Variants in EML5 observed in about 807,000 individuals in gnomAD.
EML5 encodes echinoderm microtubule-associated protein-like 5.
Under a neutral mutation model 250.0 loss-of-function variants are expected in EML5, and 120 were observed. That is an observed-to-expected ratio of 0.48 (90% CI 0.41 to 0.56). The LOEUF (loss-of-function observed/expected upper bound fraction) is 0.56, where lower values mean the gene tolerates loss of function less well. EML5 is among the 20% of genes least tolerant of loss of function. The probability of loss-of-function intolerance (pLI) is 0.00; values close to 1 mark genes in which losing one functional copy is unlikely to be tolerated. For synonymous variants in EML5, 771 were observed against 806.5 expected, an observed-to-expected ratio of 0.96 and a Z score of 0.75; for missense variants, 2,006 against 2,437.6, an observed-to-expected ratio of 0.82 and a Z score of 3.73.
chr14:88,655,768 A>G (rs2091845335), intron 27 of EML5, among the ~76,000 whole-genome samples: 1 of 152,228 alleles, frequency 6.6e-6, no homozygotes, highest in Non-Finnish European at 1.5e-5. Context: ...AAGAATTTAA[A>G]CAAATTTACA....
Position 88,626,856 on chromosome 14 carries a change from G to A in EML5, c.4722C>T (p.Leu1574=), listed in dbSNP as rs547185976. Residue 1574 remains leucine (L), a synonymous_variant, in exon 35 of 44, where the codon CTC becomes CTT. Transcript: ENST00000554922. The part of the protein sequence containing the change: ...TLEDARMQTM[L]AIAFGANNLT... Reference sequence around the variant, plus strand: ...GACATACTGCACCAAATGCAATAGCGAGCATGGTCTGCATCCGGGCATCTT... The same window carrying A: ...GACATACTGCACCAAATGCAATAGCAAGCATGGTCTGCATCCGGGCATCTT... 53 of 1,613,812 alleles carry A rather than the reference G, an allele frequency of 3.3e-5. No individual in the cohort carries two copies. In the South Asian group the frequency reaches 4.1e-4, roughly 12 times the overall value.
chr14:88,740,336 C>A, intron 5 of EML5, 51 bp downstream of exon 5: 1 of 1,471,122 alleles, frequency 6.8e-7, no homozygotes, highest in Non-Finnish European at 9.2e-7. Context: ...CATTCTAAGA[C>A]AAGGTTAAGT....
chr14:88,627,180 C>T lies in EML5; in HGVS notation c.4532-134G>A, dbSNP rs538606137. 9.8e-5 allele frequency: 74 copies of T among 751,986 alleles called. No homozygotes were observed. The African/African-American group carries it at 1.0e-3, about 11-fold the overall frequency. The allele number at this position is 751,986 out of a possible 1,614,324, so 46.6% of individuals were successfully genotyped here. On this transcript the variant is annotated intron_variant, in intron 34 of 43. Coordinates refer to ENST00000554922, the MANE Select transcript of EML5 (RefSeq NM_183387.3). ...AGGCCAATGGCCCCTGCTCTACTAC[C>T]TAGCAATACATGATTTACAATTATT...
chr14:88,705,145 A>G (rs1288302669), intron 12 of EML5, among the ~76,000 whole-genome samples, 167 bp from the exon 13 acceptor site: 2 of 152,210 alleles, frequency 1.3e-5, no homozygotes. Context: ...GAACAAACAA[A>G]TTCACATTTT....
intron 21 of EML5, among the ~76,000 whole-genome samples, chr14:88,671,119 AG>A (rs1461437007): frequency 6.6e-6 from 1 of 152,204 alleles, no homozygotes; most frequent in Non-Finnish European, 1.5e-5. Flanking sequence ...AGATTCTCCA[AG>A]GTCAAAATGA....
intron 1 of EML5, among the ~76,000 whole-genome samples, chr14:88,761,185 C>G: frequency 6.6e-6 from 1 of 152,048 alleles, no homozygotes; most frequent in East Asian, 1.9e-4. Context: ...GCTTGAACTT[C>G]TAGCAGGATG....
At chr14:88,636,243 A>G (rs1020930416) in intron 32 of EML5, among the ~76,000 whole-genome samples, 21 of 152,150 alleles carry the variant, frequency 1.4e-4, no homozygotes, top group Non-Finnish European at 2.5e-4. Flanking sequence ...GAATTCTGGG[A>G]TTTCATATAC....
chr14:88,656,218 A>T (rs1366117508), intron 27 of EML5, among the ~76,000 whole-genome samples: 1 of 152,228 alleles, frequency 6.6e-6, no homozygotes, highest in Non-Finnish European at 1.5e-5. Context: ...GAACCAACTC[A>T]AATGTCCATC....
chr14:88,728,701 G>A (rs1269934992), intron 7 of EML5, among the ~76,000 whole-genome samples: 2 of 152,096 alleles, frequency 1.3e-5, no homozygotes, highest in African/African-American at 4.8e-5. Context: ...GTGGACCCAT[G>A]CAGTTCAAAC....
intron 1 of EML5, among the ~76,000 whole-genome samples, chr14:88,781,161 G>C (rs2094494105): frequency 6.6e-6 from 1 of 152,168 alleles, no homozygotes; most frequent in South Asian, 2.1e-4. Flanking sequence ...AAAGATGACT[G>C]ATACAAATAC....
chr14:88,621,961 T>C, intron 37 of EML5: 1 of 442,072 alleles, frequency 2.3e-6, no homozygotes, highest in Non-Finnish European at 4.6e-6. Flanking sequence ...TACTACAGAA[T>C]ACTAAAACAT....
At chr14:88,778,487 GAAGTGGT>G (rs2094467451) in intron 1 of EML5, among the ~76,000 whole-genome samples, 1 of 152,130 alleles carries the variant, frequency 6.6e-6, no homozygotes, top group South Asian at 2.1e-4. Context: ...GGAAGGTTAA[GAAGTGGT>G]AAGTGGCTGG....
chr14:88,766,984 G>A (rs2094329094), intron 1 of EML5, among the ~76,000 whole-genome samples: 1 of 152,110 alleles, frequency 6.6e-6, no homozygotes, highest in African/African-American at 2.4e-5. Context: ...AGGTCATCCT[G>A]GGGCTGACAA....
At chr14:88,622,035 C>A in intron 37 of EML5, 1 of 330,036 alleles carries the variant, frequency 3.0e-6, no homozygotes. Context: ...CCCCCTCCCC[C>A]TCCCCCTTGT....
chr14:88,748,249 GAAGAAATTCTAGAAA>G (rs548085426), intron 2 of EML5, among the ~76,000 whole-genome samples: 2 of 152,262 alleles, frequency 1.3e-5, no homozygotes, highest in East Asian at 3.9e-4. Flanking sequence ...GTCATGCAAA[GAAGAAATTCTAGAAA>G]AAGAACAATT....
chr14:88,639,870 C>T (rs569311055), intron 31 of EML5, among the ~76,000 whole-genome samples: 57 of 152,220 alleles, frequency 3.7e-4, no homozygotes, highest in African/African-American at 1.2e-3. Flanking sequence ...CATGAGCCAC[C>T]GTGCCCAGCA....
intron 27 of EML5, among the ~76,000 whole-genome samples, chr14:88,656,955 T>C (rs1338235577): frequency 2.0e-5 from 3 of 152,308 alleles, no homozygotes; most frequent in East Asian, 1.9e-4. Context: ...AAACCAATAG[T>C]GTTAACACAT....
At chr14:88,643,819 T>C (rs978998298) in intron 30 of EML5, among the ~76,000 whole-genome samples, 2 of 152,202 alleles carry the variant, frequency 1.3e-5, no homozygotes, top group African/African-American at 4.8e-5. Context: ...AAAATGTACA[T>C]TTCATTGACT....
Position 88,688,266 on chromosome 14 carries a change from C to T in EML5, c.2742+5G>A. 1 of 1,613,770 alleles carries T rather than the reference C, an allele frequency of 6.2e-7. No homozygotes were observed. Among genetic ancestry groups the T allele is most frequent in the Non-Finnish European group, 8.5e-7 (1 of 1,179,854 alleles). ...TTTAATTTAAAATCTCTTTAGGTTA[C>T]TTACTTTTTCCAATGCATGCATACT... On this transcript the variant is annotated splice_donor_5th_base_variant and intron_variant, in intron 18 of 43. Transcript: ENST00000554922.
Sources: gnomAD v4.1 joint callset for allele counts (sites outside exome capture counted in the v4.1 genomes callset) on GRCh38, gnomAD v4.1.1 for gene constraint, MANE v1.5 for transcripts, NCBI Gene and HGNC (gene_info 2026-07-23, HGNC 2026-07-21) for gene names.